MPPED2: variants seen among roughly 807,000 people sequenced by gnomAD.
The protein encoded by MPPED2 is metallophosphoesterase MPPED2.
MPPED2 carries 5 observed loss-of-function variants against 33.0 expected under a neutral mutation model. The observed-to-expected ratio is 0.15, with a 90% CI of 0.08 to 0.32. The LOEUF is 0.32. Ranked by LOEUF, MPPED2 falls within the 10% of genes least tolerant of loss-of-function variation. MPPED2 has a pLI of 1.00. For missense variants in MPPED2, 275 were observed against 372.1 expected (o/e 0.74, Z 2.15); for synonymous variants, 136 against 141.9 (o/e 0.96, Z 0.29).
chr11:30,461,971 T>C (rs1950531539), intron 4 of MPPED2, among the ~76,000 whole-genome samples: 1 of 152,218 alleles, frequency 6.6e-6, no homozygotes, highest in Non-Finnish European at 1.5e-5. Context: ...TTGATCAACT[T>C]ATCAATTGTA....
intron 2 of MPPED2, among the ~76,000 whole-genome samples, chr11:30,578,492 A>G (rs1406061295): frequency 1.3e-5 from 2 of 152,212 alleles, no homozygotes; most frequent in Non-Finnish European, 2.9e-5. Context: ...ATAAAAGCAG[A>G]TCAACTTTAA....
chr11:30,513,879 A>AC (rs35168410), intron 3 of MPPED2, among the ~76,000 whole-genome samples: 21,090 of 151,340 alleles, frequency 0.14, 2,544 homozygotes, highest in African/African-American at 0.33. Context: ...AAGGCATGAT[A>AC]TTTTAAAATG....
At chr11:30,453,967 TTCTGGGGAGTGTCGTC>T (rs1950171942) in intron 4 of MPPED2, among the ~76,000 whole-genome samples, 1 of 151,896 alleles carries the variant, frequency 6.6e-6, no homozygotes. Context: ...TACAAAGGAG[TTCTGGGGAGTGTCGTC>T]TCTTTCCCAA....
At chr11:30,416,679 A>G (rs1253890625) in intron 5 of MPPED2, among the ~76,000 whole-genome samples, 2 of 152,178 alleles carry the variant, frequency 1.3e-5, no homozygotes, top group Non-Finnish European at 2.9e-5. Context: ...TTTTAAAAAG[A>G]AAGAAAAAAT....
In MPPED2 at chr11:30,458,160, A is replaced by G. The variant is rs138556421; in HGVS notation, c.536+37136T>C. Among the ~76,000 whole-genome samples the G allele has an allele frequency of 1.2e-3, 180 of 152,308 alleles. 1 individual carries two copies. Among genetic ancestry groups the G allele is most frequent in the African/African-American group, 3.9e-3 (163 of 41,564 alleles). On this transcript the variant is annotated intron_variant, in intron 4 of 6. Coordinates refer to ENST00000358117, the MANE Select transcript of MPPED2 (RefSeq NM_001584.3). Reference sequence around the variant, plus strand: ...GAGAGATTAAGATGAAATGATCTCAAAGGGCCTTTCTAGTTCTATGCATGG... The same window carrying G: ...GAGAGATTAAGATGAAATGATCTCAGAGGGCCTTTCTAGTTCTATGCATGG...
chr11:30,443,058 T>C (rs1949653675), intron 4 of MPPED2, among the ~76,000 whole-genome samples: 2 of 151,988 alleles, frequency 1.3e-5, no homozygotes, highest in Non-Finnish European at 2.9e-5. Context: ...CATAAGAAAT[T>C]CTTCAGACAC....
chr11:30,434,837 G>C (rs1441036078), intron 4 of MPPED2, among the ~76,000 whole-genome samples: 3 of 147,842 alleles, frequency 2.0e-5, no homozygotes, highest in Non-Finnish European at 4.6e-5. Context: ...AACTCTGGAA[G>C]ATATAAAGTG....
intron 4 of MPPED2, among the ~76,000 whole-genome samples, chr11:30,494,842 C>T (rs1252343677): frequency 1.3e-5 from 2 of 150,350 alleles, no homozygotes; most frequent in African/African-American, 4.9e-5. Context: ...TATTTTTTGT[C>T]ATTAATCCTT....
intron 1 of MPPED2, 37 bp from the exon 2 acceptor site, chr11:30,580,531 A>C (rs890565412): frequency 2.8e-6 from 4 of 1,411,268 alleles, no homozygotes; most frequent in African/African-American, 1.4e-5. Context: ...AATGAGAACA[A>C]AGAGAAAAAG....
At chr11:30,427,208 G>GT (rs1278840795) in intron 4 of MPPED2, among the ~76,000 whole-genome samples, 1 of 152,182 alleles carries the variant, frequency 6.6e-6, no homozygotes, top group Non-Finnish European at 1.5e-5. Context: ...ATTTTGTCTT[G>GT]TTACATAGCG....
At chr11:30,408,347 T>C (rs998706832), downstream of MPPED2, among the ~76,000 whole-genome samples, 1 of 152,186 alleles carries the variant, frequency 6.6e-6, no homozygotes, top group Non-Finnish European at 1.5e-5. Context: ...GTTTTGCTCA[T>C]CTCCCAGGCT....
chr11:30,441,317 G>A (rs1316179249), intron 4 of MPPED2: 1 of 152,214 alleles, frequency 6.6e-6, no homozygotes, highest in Admixed American at 6.5e-5. Context: ...ATGCTGCTGA[G>A]AAAAGGTTTA....
chr11:30,420,704 T>C (rs1222300740), intron 4 of MPPED2, among the ~76,000 whole-genome samples: 5 of 152,144 alleles, frequency 3.3e-5, no homozygotes, highest in Non-Finnish European at 7.4e-5. Flanking sequence ...GGGAGGCACC[T>C]GGCATTGGAG....
chr11:30,516,511 G>C (rs997211849), intron 3 of MPPED2, among the ~76,000 whole-genome samples: 1 of 152,188 alleles, frequency 6.6e-6, no homozygotes, highest in Non-Finnish European at 1.5e-5. Context: ...AAGGCTGGTA[G>C]CAAGAAGCAG....
intron 1 of MPPED2, chr11:30,584,669 C>G (rs1314645750): frequency 6.6e-6 from 1 of 152,612 alleles, no homozygotes; most frequent in Non-Finnish European, 1.5e-5. Flanking sequence ...CACAGCCCCA[C>G]GTCCCCGACC....
At chr11:30,542,624 T>A (rs941959965) in intron 2 of MPPED2, among the ~76,000 whole-genome samples, 3 of 151,956 alleles carry the variant, frequency 2.0e-5, no homozygotes, top group Non-Finnish European at 4.4e-5. Flanking sequence ...AGCAAGACCA[T>A]CTTAAAAAAA....
At chr11:30,455,085 G>A (rs2133969434) in intron 4 of MPPED2, among the ~76,000 whole-genome samples, 1 of 152,326 alleles carries the variant, frequency 6.6e-6, no homozygotes, top group South Asian at 2.1e-4. Context: ...TATTTACACT[G>A]GAGGCTAAGG....
chr11:30,424,949 A>T (rs1240721051), intron 4 of MPPED2, among the ~76,000 whole-genome samples: 2 of 152,222 alleles, frequency 1.3e-5, no homozygotes, highest in Non-Finnish European at 2.9e-5. Flanking sequence ...AAGCCTGGCT[A>T]GCCCAAACCA....
chr11:30,489,051 CCT>C (rs1951861784), intron 4 of MPPED2, among the ~76,000 whole-genome samples: 54 of 37,038 alleles, frequency 1.5e-3, no homozygotes, highest in Non-Finnish European at 1.9e-3. Flanking sequence ...TTCTTCTTCT[CCT>C]TTTTTTTTTT....
Sources: allele counts gnomAD v4.1 joint callset (sites outside exome capture counted in the v4.1 genomes callset), GRCh38; gene constraint gnomAD v4.1.1; transcripts MANE v1.5; gene names NCBI Gene and HGNC (gene_info 2026-07-23, HGNC 2026-07-21).